The following LPP variants were observed in gnomAD, a reference collection of about 807,000 sequenced individuals.
LPP encodes LIM domain containing preferred translocation partner in lipoma, also known as lipoma-preferred partner.
LPP carries 38 observed loss-of-function variants against 60.4 expected under a neutral mutation model. The ratio of observed to expected loss-of-function variants is 0.63; its 90% CI spans 0.49 to 0.83. LPP has a LOEUF of 0.83. LPP is among the 40% of genes least tolerant of loss of function. LPP has a pLI of 0.00. For synonymous variants in LPP, 328 were observed against 290.8 expected, an observed-to-expected ratio of 1.13 and a Z score of -1.30; for missense variants, 902 against 783.6, an observed-to-expected ratio of 1.15 and a Z score of -1.80.
intron 2 of LPP, among the ~76,000 whole-genome samples, chr3:188,341,229 A>C (rs1244699742): frequency 6.6e-6 from 1 of 152,216 alleles, no homozygotes; most frequent in Non-Finnish European, 1.5e-5. Flanking sequence ...TAACCTAGGA[A>C]AAACTGAAGT....
At chr3:188,798,973 GAATA>G (rs764234546) in intron 9 of LPP, among the ~76,000 whole-genome samples, 12 of 152,216 alleles carry the variant, frequency 7.9e-5, no homozygotes, top group Non-Finnish European at 8.8e-5. Flanking sequence ...TGTTTGTGAT[GAATA>G]ATTATTTAAT....
chr3:188,746,600 A>C, intron 8 of LPP: 1 of 474,934 alleles, frequency 2.1e-6, no homozygotes, highest in South Asian at 1.6e-5. Context: ...AAATAAAATC[A>C]CATAGCTGAT....
rs189585432 is a variant in LPP at position 188,500,989 on chromosome 3, T to A, written c.306+16285T>A. Among the ~76,000 whole-genome samples the A allele has an allele frequency of 7.9e-5, 12 of 152,252 alleles. 1 individual carries two copies. Among genetic ancestry groups the A allele is most frequent in the Admixed American group, 6.5e-4 (10 of 15,302 alleles). ...GTTTGTCAATTTTGTTGATCTTTTT[T>A]AAGAACTGTTGGATTTTGTTAGTAT... On this transcript the variant is annotated intron_variant, in intron 5 of 11. Coordinates refer to ENST00000617246, the MANE Select transcript of LPP (RefSeq NM_001375462.1).
intron 5 of LPP, among the ~76,000 whole-genome samples, chr3:188,490,996 C>T (rs1474608662): frequency 1.3e-5 from 2 of 151,820 alleles, no homozygotes; most frequent in African/African-American, 2.4e-5. Flanking sequence ...CTCCTGACCT[C>T]GTGATCCGCC....
At chr3:188,661,999 A>G (rs1353160555) in intron 7 of LPP, among the ~76,000 whole-genome samples, 1 of 152,280 alleles carries the variant, frequency 6.6e-6, no homozygotes, top group Non-Finnish European at 1.5e-5. Flanking sequence ...ACAAACATGA[A>G]CATTTCAACA....
intron 8 of LPP, among the ~76,000 whole-genome samples, chr3:188,753,788 T>C (rs1433682899): frequency 2.0e-5 from 3 of 152,016 alleles, no homozygotes; most frequent in Admixed American, 6.6e-5. Flanking sequence ...TGTGTGAGTG[T>C]GTATATGTAT....
chr3:188,424,414 C>T (rs560447433), intron 4 of LPP, among the ~76,000 whole-genome samples: 73 of 152,154 alleles, frequency 4.8e-4, no homozygotes, highest in Middle Eastern at 3.4e-3. Context: ...GTTCTTTTTG[C>T]TTAGGATTGT....
chr3:188,508,893 G>C (rs1250602386), intron 5 of LPP, among the ~76,000 whole-genome samples: 1 of 152,202 alleles, frequency 6.6e-6, no homozygotes, highest in Non-Finnish European at 1.5e-5. Context: ...TAGGCCAGCA[G>C]ATTTCAAATT....
intron 10 of LPP, among the ~76,000 whole-genome samples, chr3:188,871,198 C>T (rs1276499623): frequency 6.6e-6 from 1 of 152,182 alleles, no homozygotes; most frequent in Non-Finnish European, 1.5e-5. Context: ...GGAAAACATA[C>T]TTCTGCTCCC....
chr3:188,688,990 T>G, intron 7 of LPP: 1 of 458,586 alleles, frequency 2.2e-6, no homozygotes, highest in South Asian at 1.6e-5. Context: ...ACTGCCTACC[T>G]CATCAGGGAA....
At chr3:188,513,178 A>G (rs1011753939) in intron 5 of LPP, among the ~76,000 whole-genome samples, 1 of 152,244 alleles carries the variant, frequency 6.6e-6, no homozygotes, top group Non-Finnish European at 1.5e-5. Flanking sequence ...AGAAATTTCA[A>G]ATAAATGTAT....
At chr3:188,660,324 A>G (rs781165109) in intron 7 of LPP, among the ~76,000 whole-genome samples, 6 of 152,192 alleles carry the variant, frequency 3.9e-5, no homozygotes, top group East Asian at 1.9e-4. Context: ...TGGGGAGCCA[A>G]TTCTTTGCAG....
At chr3:188,764,703 C>A (rs1733457691) in intron 9 of LPP, among the ~76,000 whole-genome samples, 1 of 152,148 alleles carries the variant, frequency 6.6e-6, no homozygotes, top group Non-Finnish European at 1.5e-5. Flanking sequence ...TTATTCCTAG[C>A]ATTACCAAGG....
chr3:188,290,547 G>A (rs909658449), intron 2 of LPP, among the ~76,000 whole-genome samples: 1 of 152,012 alleles, frequency 6.6e-6, no homozygotes, highest in Non-Finnish European at 1.5e-5. Context: ...TACAGCCACC[G>A]AGAAGGACAG....
chr3:188,599,737 G>A (rs931316679), intron 6 of LPP, among the ~76,000 whole-genome samples: 1 of 136,066 alleles, frequency 7.3e-6, no homozygotes, highest in Non-Finnish European at 1.5e-5. Context: ...AAAAACTATC[G>A]GGGACTCGTT....
intron 9 of LPP, among the ~76,000 whole-genome samples, chr3:188,799,714 A>G (rs916757115): frequency 4.6e-5 from 7 of 152,216 alleles, no homozygotes; most frequent in Non-Finnish European, 7.3e-5. Flanking sequence ...GGGGTTCAGA[A>G]TAGTGTCTTG....
At chr3:188,634,694 T>A (rs1848413400) in intron 7 of LPP, among the ~76,000 whole-genome samples, 2 of 152,218 alleles carry the variant, frequency 1.3e-5, no homozygotes, top group Admixed American at 6.5e-5. Flanking sequence ...TATGAGAATC[T>A]AATGCCTGAT....
chr3:188,357,905 G>T lies in LPP; in HGVS notation c.-10+16186G>T, dbSNP rs192012919. ...AGTGTGGAAGGATCTTGAATTCAGG[G>T]CCTTGTCTGTCTTGTTTTTCAGCTG... On this transcript the variant is annotated intron_variant, in intron 3 of 11. Coordinates refer to ENST00000617246, the MANE Select transcript of LPP (RefSeq NM_001375462.1). Among the ~76,000 whole-genome samples, 266 of 152,212 alleles carry T rather than the reference G, an allele frequency of 1.7e-3. 2 individuals are homozygous for T. Among genetic ancestry groups the T allele is most frequent in the African/African-American group, 6.2e-3 (257 of 41,540 alleles).
intron 2 of LPP, among the ~76,000 whole-genome samples, chr3:188,311,246 G>A (rs1753307458): frequency 6.6e-6 from 1 of 151,976 alleles, no homozygotes. Context: ...TCTGCAGTGG[G>A]AGGATCTCTT....
Sources: allele counts gnomAD v4.1 joint callset (sites outside exome capture counted in the v4.1 genomes callset), GRCh38; gene constraint gnomAD v4.1.1; transcripts MANE v1.5; gene names NCBI Gene and HGNC (gene_info 2026-07-23, HGNC 2026-07-21).